ARB2A: variants seen among roughly 807,000 people sequenced by gnomAD.
ARB2A encodes the protein cotranscriptional regulator ARB2A.
chr5:93,844,244 G>C, the ARB2A span, among the ~76,000 whole-genome samples: 1 of 152,026 alleles, frequency 6.6e-6, no homozygotes, highest in Non-Finnish European at 1.5e-5. Context: ...AGGAGTTCAA[G>C]ACCAGCCTGG....
the ARB2A span, among the ~76,000 whole-genome samples, chr5:94,099,539 G>T: frequency 7.0e-6 from 1 of 143,634 alleles, no homozygotes; most frequent in Non-Finnish European, 1.5e-5. Flanking sequence ...CAGGAGAATC[G>T]CATGAACCCG....
the ARB2A span, among the ~76,000 whole-genome samples, chr5:93,887,928 T>C: frequency 1.3e-5 from 2 of 151,906 alleles, no homozygotes; most frequent in African/African-American, 2.4e-5. Context: ...TTAAAATGTT[T>C]TGGCACACAA....
At chr5:93,850,531 T>C in the ARB2A span, among the ~76,000 whole-genome samples, 279 of 152,278 alleles carry the variant, frequency 1.8e-3, 2 homozygotes, top group African/African-American at 5.8e-3. Context: ...CCAGAGAAGC[T>C]TGCTCCTGCT....
the ARB2A span, among the ~76,000 whole-genome samples, chr5:94,091,498 T>G: frequency 1.8e-4 from 28 of 152,278 alleles, 1 homozygote; most frequent in Admixed American, 1.8e-3. Flanking sequence ...GAGAAGAGGC[T>G]CAAATGGCCT....
chr5:94,066,329 A>G, the ARB2A span, among the ~76,000 whole-genome samples: 1 of 149,986 alleles, frequency 6.7e-6, no homozygotes, highest in Non-Finnish European at 1.5e-5. Flanking sequence ...AATAATAAAG[A>G]GCAGAATTAT....
the ARB2A span, among the ~76,000 whole-genome samples, chr5:93,642,302 A>C: frequency 6.6e-6 from 1 of 151,488 alleles, no homozygotes; most frequent in African/African-American, 2.4e-5. Context: ...CCTGCGCCCA[A>C]GTTCAAGTGT....
chr5:93,708,254 T>A, the ARB2A span, among the ~76,000 whole-genome samples: 1 of 152,242 alleles, frequency 6.6e-6, no homozygotes, highest in Non-Finnish European at 1.5e-5. Flanking sequence ...AAAAAGGCAC[T>A]ATAATTATCT....
chr5:93,690,653 T>C, the ARB2A span, among the ~76,000 whole-genome samples: 1 of 152,168 alleles, frequency 6.6e-6, no homozygotes, highest in Non-Finnish European at 1.5e-5. Context: ...TGTTCCTGCC[T>C]GCTGGCTCTG....
chr5:93,997,157 T>C, the ARB2A span, among the ~76,000 whole-genome samples: 2 of 152,044 alleles, frequency 1.3e-5, no homozygotes, highest in South Asian at 2.1e-4. Context: ...TTTCCAGTTA[T>C]CAATATGCTA....
chr5:94,074,499 T>C, the ARB2A span: 5 of 573,954 alleles, frequency 8.7e-6, no homozygotes, highest in East Asian at 1.5e-4. Context: ...GCAGTAATAG[T>C]TGCTGTGAGG....
At chr5:94,050,594 G>T in the ARB2A span, 1 of 626,254 alleles carries the variant, frequency 1.6e-6, no homozygotes, top group Non-Finnish European at 2.6e-6. Context: ...CACTAAAAAG[G>T]AACAAAAAAA....
At chr5:93,799,828 C>T in the ARB2A span, among the ~76,000 whole-genome samples, 1 of 151,678 alleles carries the variant, frequency 6.6e-6, no homozygotes, top group Non-Finnish European at 1.5e-5. Context: ...TGAGATGAAC[C>T]TAAATTGGCT....
chr5:93,943,031 T>G, the ARB2A span, among the ~76,000 whole-genome samples: 2 of 152,122 alleles, frequency 1.3e-5, no homozygotes, highest in African/African-American at 4.8e-5. Context: ...TGTTCCCTAC[T>G]GGTGGATGTT....
At chr5:93,840,987 C>A in the ARB2A span, among the ~76,000 whole-genome samples, 1 of 152,122 alleles carries the variant, frequency 6.6e-6, no homozygotes, top group African/African-American at 2.4e-5. Context: ...AAATAGGAGG[C>A]ATATAGAACT....
At chr5:93,904,602 C>T in the ARB2A span, among the ~76,000 whole-genome samples, 1 of 151,712 alleles carries the variant, frequency 6.6e-6, no homozygotes, top group Non-Finnish European at 1.5e-5. Flanking sequence ...GATCATAAAT[C>T]ATGTATAGTG....
the ARB2A span, among the ~76,000 whole-genome samples, chr5:94,111,200 G>A: frequency 6.6e-6 from 1 of 152,150 alleles, no homozygotes; most frequent in Admixed American, 6.5e-5. Context: ...CCACTCGCAA[G>A]AAAGCGGAGG....
the ARB2A span, chr5:93,738,785 G>A: frequency 6.6e-6 from 1 of 152,254 alleles, no homozygotes; most frequent in Non-Finnish European, 1.5e-5. Context: ...CCAGGGGTAG[G>A]GGATAGGGGA....
the ARB2A span, chr5:93,683,757 G>A: frequency 1.6e-5 from 25 of 1,578,968 alleles, no homozygotes; most frequent in Admixed American, 8.3e-5. Flanking sequence ...GAAGGCGGAC[G>A]GAGATAAAAC....
chr5:93,856,326 C>T, the ARB2A span, among the ~76,000 whole-genome samples: 22 of 152,228 alleles, frequency 1.4e-4, no homozygotes, highest in Admixed American at 3.9e-4. Flanking sequence ...TGAATGTTGG[C>T]CTGCCTTGCT....
Sources: gnomAD v4.1 joint callset for allele counts (sites outside exome capture counted in the v4.1 genomes callset) on GRCh38, gnomAD v4.1.1 for gene constraint, MANE v1.5 for transcripts, NCBI Gene and HGNC (gene_info 2026-07-23, HGNC 2026-07-21) for gene names.